Variants in TMEM79 observed in about 807,000 individuals in gnomAD.
TMEM79 encodes mattrin.
A neutral mutation model predicts 31.2 loss-of-function variants in TMEM79; 30 were observed. That is an observed-to-expected ratio of 0.96 (90% CI 0.72 to 1.30). The LOEUF is 1.30. TMEM79 is among the 50% of genes most tolerant of loss of function. The probability of loss-of-function intolerance (pLI) is 0.00; values close to 1 mark genes in which losing one functional copy is unlikely to be tolerated. For synonymous variants in TMEM79, 213 were observed against 229.5 expected (o/e 0.93, Z 0.65); for missense variants, 509 against 528.2 (o/e 0.96, Z 0.36).
Position 156,285,426 on chromosome 1 carries a change from A to G in TMEM79, c.200A>G (p.Asp67Gly). The G allele has an allele frequency of 6.2e-7, 1 of 1,612,536 alleles. No homozygotes were observed. The highest frequency in any genetic ancestry group is 8.5e-7 in the Non-Finnish European group (1 of 1,179,144). Residue 67 changes from aspartate (D) to glycine (G), a missense_variant, in exon 2 of 4, where the codon GAC becomes GGC. Asp to Gly is a moderately conservative substitution (Grantham distance 94). Transcript: ENST00000405535. ...TAIEGAEDGL[D>G]STVSEAATLP... ...ATAGAGGGGGCTGAGGATGGTCTAGACAGCACAGTAAGTGAGGCTGCCACC... is the reference window on the plus strand; with the variant it reads ...ATAGAGGGGGCTGAGGATGGTCTAGGCAGCACAGTAAGTGAGGCTGCCACC...
intron 2 of TMEM79, 75 bp downstream of exon 2, chr1:156,286,058 G>A: frequency 6.5e-7 from 1 of 1,537,774 alleles, no homozygotes; most frequent in Non-Finnish European, 8.7e-7. Context: ...GTGGGGAGCA[G>A]GAGGATTTCC....
At chr1:156,283,240 G>C (rs28372828), upstream of TMEM79, among the ~76,000 whole-genome samples, 35,266 of 152,126 alleles carry the variant, frequency 0.23, 4,760 homozygotes, top group Non-Finnish European at 0.29. Flanking sequence ...GCATGTGAAA[G>C]TTTCCTTGGA....
Position 156,291,418 on chromosome 1 carries a change from C to A in TMEM79, c.1005C>A (p.Arg335=). The change falls in exon 4 of 4, where the codon CGC becomes CGA. Residue 335 remains arginine, a synonymous_variant. Transcript: ENST00000405535. ...ACTGGCTGACCTTTGCCGTGGGCCG[C>A]TCCTTCCGAGGCTTCGGCTACGGCC... The part of the protein sequence containing the change: ...LIYWLTFAVG[R]SFRGFGYGLT... 1 of 1,614,130 alleles carries A rather than the reference C, an allele frequency of 6.2e-7. No individual in the cohort carries two copies. Among genetic ancestry groups the A allele is most frequent in the South Asian group, 1.1e-5 (1 of 91,082 alleles).
intron 3 of TMEM79, among the ~76,000 whole-genome samples, chr1:156,287,502 C>G (rs1663200282): frequency 6.6e-6 from 1 of 151,750 alleles, no homozygotes; most frequent in East Asian, 1.9e-4. Context: ...CTGTCCTTCT[C>G]TTCCTGTTTG....
intron 2 of TMEM79, 65 bp downstream of exon 2, chr1:156,286,048 G>GT: frequency 1.3e-6 from 2 of 1,544,808 alleles, no homozygotes; most frequent in Non-Finnish European, 8.7e-7. Flanking sequence ...CCTGGCTGGT[G>GT]TGGGGAGCAG....
In TMEM79 at chr1:156,291,791, G is replaced by C. The variant is rs1015621283; in HGVS notation, c.*193G>C. ...GAGCTGCCCTTCACCTTTGGGGCCC[G>C]AGACAGTCATAAGGGATGGACTTAG... On this transcript the variant is annotated 3_prime_UTR_variant, in exon 4 of 4. Transcript: ENST00000405535. 9.8e-6 allele frequency: 6 copies of C among 611,010 alleles called. No homozygotes were observed. In the Middle Eastern group the frequency reaches 1.2e-3, roughly 118 times the overall value. 37.8% of individuals were successfully genotyped at this position (611,010 alleles called of 1,614,324 possible).
upstream of TMEM79, chr1:156,282,995 T>A (rs573072946): frequency 2.0e-6 from 1 of 505,488 alleles, no homozygotes; most frequent in East Asian, 3.2e-5. Context: ...CGAAAAACTT[T>A]ATTGGCAAAG....
Position 156,291,482 on chromosome 1 carries a change from C to CTCTACTACATGT in TMEM79, c.1072_1083dup (p.Tyr358_Phe361dup), listed in dbSNP as rs1465547916. On this transcript the variant is annotated inframe_insertion, in exon 4 of 4. Coordinates refer to ENST00000405535, the MANE Select transcript of TMEM79 (RefSeq NM_032323.3). The stretch of plus-strand genomic sequence containing the variant: ...ACTGCTGTCGATGCTGATGTGGAAC[C>CTCTACTACATGT]TCTACTACATGTTCGTGGTGGAGCC... 1 of 1,613,422 alleles carries CTCTACTACATGT rather than the reference C, an allele frequency of 6.2e-7. No homozygotes were observed. Among genetic ancestry groups the CTCTACTACATGT allele is most frequent in the Non-Finnish European group, 8.5e-7 (1 of 1,180,046 alleles).
chr1:156,286,534 T>C, intron 3 of TMEM79, 61 bp downstream of exon 3: 1 of 1,553,870 alleles, frequency 6.4e-7, no homozygotes, highest in Non-Finnish European at 8.8e-7. Flanking sequence ...CCTAGGCATC[T>C]GAATGTCTGG....
chr1:156,286,308 C>T lies in TMEM79; in HGVS notation c.806C>T (p.Pro269Leu), dbSNP rs754893290. The change falls in exon 3 of 4, where the codon CCC becomes CTC. Residue 269 changes from proline to leucine, a missense_variant. Physicochemically the swap from Pro to Leu is moderately conservative, Grantham distance 98 (BLOSUM62 -3). Transcript: ENST00000405535. ...LSLLCFSALR[P>L]FGEPRREVEI... Reference sequence around the variant, plus strand: ...CTGTTATGCTTTTCTGCCCTTCGGCCCTTTGGGGAGCCACGGCGGGAGGTG... The same window carrying T: ...CTGTTATGCTTTTCTGCCCTTCGGCTCTTTGGGGAGCCACGGCGGGAGGTG... The T allele has an allele frequency of 3.1e-6, 5 of 1,614,238 alleles. No homozygotes were observed. In the East Asian group the frequency reaches 8.9e-5, roughly 29 times the overall value.
chr1:156,289,195 C>T (rs1192214609), intron 3 of TMEM79, among the ~76,000 whole-genome samples: 3 of 152,196 alleles, frequency 2.0e-5, no homozygotes, highest in South Asian at 4.1e-4. Context: ...GTACTTGGTG[C>T]CAGGCGTGGT....
At chr1:156,290,834 T>C (rs950269932) in intron 3 of TMEM79, 68 of 52,220 alleles carry the variant, frequency 1.3e-3, no homozygotes, top group African/African-American at 5.2e-3. Context: ...GTCTCAAAAA[T>C]AAAAAAATAA....
At chr1:156,289,498 G>C in intron 3 of TMEM79, among the ~76,000 whole-genome samples, 1 of 152,200 alleles carries the variant, frequency 6.6e-6, no homozygotes, top group East Asian at 1.9e-4. Flanking sequence ...TGTAGTCCCA[G>C]CTACTCAGGA....
chr1:156,287,410 C>T (rs995007843), intron 3 of TMEM79, among the ~76,000 whole-genome samples: 3 of 151,796 alleles, frequency 2.0e-5, no homozygotes, highest in African/African-American at 2.4e-5. Context: ...AGTGAGACTC[C>T]GTCTCAAACA....
At chr1:156,291,310 C>T (rs1200406847) in intron 3 of TMEM79, 75 bp from the exon 4 acceptor site, 1 of 1,400,820 alleles carries the variant, frequency 7.1e-7, no homozygotes, top group Non-Finnish European at 1.0e-6. Flanking sequence ...ATCTACTCCC[C>T]CCACCGTCAG....
At chr1:156,287,980 G>A (rs981352702) in intron 3 of TMEM79, among the ~76,000 whole-genome samples, 3 of 151,676 alleles carry the variant, frequency 2.0e-5, no homozygotes, top group Non-Finnish European at 4.4e-5. Context: ...TTTGGGAGGC[G>A]GAGGCGGGCA....
intron 3 of TMEM79, among the ~76,000 whole-genome samples, chr1:156,289,296 A>C (rs2101592319): frequency 6.6e-6 from 1 of 151,990 alleles, no homozygotes; most frequent in African/African-American, 2.4e-5. Flanking sequence ...AACACGGTAA[A>C]ACCCCATCTC....
chr1:156,289,298 C>T (rs1224780717), intron 3 of TMEM79, among the ~76,000 whole-genome samples: 2 of 151,952 alleles, frequency 1.3e-5, no homozygotes, highest in African/African-American at 4.8e-5. Flanking sequence ...CACGGTAAAA[C>T]CCCATCTCTA....
Position 156,285,386 on chromosome 1 carries a change from G to A in TMEM79, c.160G>A (p.Gly54Arg). 6.3e-7 allele frequency: 1 copy of A among 1,588,106 alleles called. No individual in the cohort carries two copies. Among genetic ancestry groups the A allele is most frequent in the East Asian group, 2.2e-5 (1 of 44,620 alleles). Residue 54 changes from glycine (G) to arginine (R), a missense_variant, in exon 2 of 4, where the codon GGA (glycine) becomes AGA (arginine). Physicochemically the swap from Gly to Arg is moderately radical, Grantham distance 125. Coordinates refer to ENST00000405535, the MANE Select transcript of TMEM79 (RefSeq NM_032323.3). ...AESLRVGSSA[G>R]SPTAIEGAED... ...GTCCCTCAGAGTGGGGTCTTCAGCT[G>A]GATCTCCCACAGCCATAGAGGGGGC...
Sources: gnomAD v4.1 joint callset for allele counts (sites outside exome capture counted in the v4.1 genomes callset) on GRCh38, gnomAD v4.1.1 for gene constraint, MANE v1.5 for transcripts, NCBI Gene and HGNC (gene_info 2026-07-23, HGNC 2026-07-21) for gene names.